SLC30A10: variants seen among roughly 807,000 people sequenced by gnomAD.
The protein encoded by SLC30A10 is calcium/manganese antiporter SLC30A10.
Under a neutral mutation model 21.7 loss-of-function variants are expected in SLC30A10, and 8 were observed. The ratio of observed to expected loss-of-function variants is 0.37; its 90% CI spans 0.22 to 0.67. The LOEUF (loss-of-function observed/expected upper bound fraction) is 0.67. SLC30A10 is among the 30% of genes least tolerant of loss of function. SLC30A10 has a pLI of 0.58. For missense variants in SLC30A10, 521 were observed against 642.5 expected (o/e 0.81, Z 2.04); for synonymous variants, 272 against 279.4 (o/e 0.97, Z 0.26).
chr1:219,912,661 G>C lies in SLC30A10; in HGVS notation c.*2788C>G, dbSNP rs201845320. 5.3e-5 allele frequency among the ~76,000 whole-genome samples: 8 copies of C among 151,914 alleles called. No individual in the cohort carries two copies. Among genetic ancestry groups the C allele is most frequent in the African/African-American group, 1.5e-4 (6 of 41,378 alleles). On this transcript the variant is annotated 3_prime_UTR_variant, in exon 4 of 4. Coordinates refer to ENST00000366926, the MANE Select transcript of SLC30A10 (RefSeq NM_018713.3). ...CATCCTGGCTAACATGGTGAAACCC[G>C]GTCTCTACTAAAAATACAAAAAATT... is the stretch of plus-strand genomic sequence containing the variant.
At chr1:219,951,241 G>A (rs929187319) in intron 1 of SLC30A10, among the ~76,000 whole-genome samples, 13 of 151,450 alleles carry the variant, frequency 8.6e-5, no homozygotes, top group Non-Finnish European at 1.8e-4. Context: ...GATTACAGGT[G>A]TGAGCCACCG....
chr1:219,919,393 A>C, intron 2 of SLC30A10, among the ~76,000 whole-genome samples: 1 of 152,198 alleles, frequency 6.6e-6, no homozygotes, highest in Non-Finnish European at 1.5e-5. Flanking sequence ...GCAAACCAGC[A>C]GCATCAGCAT....
At position 219,928,460 on chromosome 1, in the gene SLC30A10, G is replaced by A; in HGVS notation, c.-20C>T. On this transcript the variant is annotated 5_prime_UTR_variant, in exon 1 of 4. Coordinates refer to ENST00000366926, the MANE Select transcript of SLC30A10 (RefSeq NM_018713.3). This position sits in a 1 kb window ranked among gnomAD's most constrained non-coding sequence, Gnocchi z 6.3. The stretch of plus-strand genomic sequence containing the variant: ...GCCCATCTCGCCACCAGCCCCGGGC[G>A]CCCGGCGCCGCCCAGGGGAGCGCAG... 1 of 1,577,466 alleles carries A rather than the reference G, an allele frequency of 6.3e-7. No individual in the cohort carries two copies. The highest frequency in any genetic ancestry group is 8.6e-7 in the Non-Finnish European group (1 of 1,164,826).
intron 1 of SLC30A10, among the ~76,000 whole-genome samples, chr1:219,937,181 G>T (rs180746164): frequency 6.6e-6 from 1 of 152,274 alleles, no homozygotes; most frequent in East Asian, 1.9e-4. Flanking sequence ...TCTCATCATT[G>T]TATCTTGACA....
chr1:219,919,846 G>A (rs4846607), intron 2 of SLC30A10, among the ~76,000 whole-genome samples: 67,790 of 151,190 alleles, frequency 0.45, 15,322 homozygotes, highest in South Asian at 0.51. Flanking sequence ...TGCTCTAGAA[G>A]AAAGCATATA....
chr1:219,931,130 A>G (rs1230631140), upstream of SLC30A10, among the ~76,000 whole-genome samples: 1 of 152,268 alleles, frequency 6.6e-6, no homozygotes, highest in Non-Finnish European at 1.5e-5. Context: ...AAACTAAAGC[A>G]TTCCTTGCTA....
At position 219,928,413 on chromosome 1, in the gene SLC30A10, G is replaced by A. The variant is rs764934761; in HGVS notation, c.28C>T (p.Arg10Trp). Residue 10 changes from arginine to tryptophan, a missense_variant, in exon 1 of 4, where the codon CGG becomes TGG. Transcript: ENST00000366926. This position sits in a 1 kb window ranked among gnomAD's most constrained non-coding sequence, Gnocchi z 6.3. MGRYSGKTC[R>W]LLFMLVLTVA... ...GTGAGCACCAGCATGAAGAGCAGCCGGCACGTCTTGCCAGAGTAGCGGCCC... is the reference window on the plus strand; with the variant it reads ...GTGAGCACCAGCATGAAGAGCAGCCAGCACGTCTTGCCAGAGTAGCGGCCC... 1.9e-6 allele frequency: 3 copies of A among 1,612,566 alleles called. No homozygotes were observed. Among genetic ancestry groups the A allele is most frequent in the Non-Finnish European group, 1.7e-6 (2 of 1,179,504 alleles).
chr1:219,914,382 G>A lies in SLC30A10; in HGVS notation c.*1067C>T, dbSNP rs1659483568. The A allele has an allele frequency of 6.6e-6, 1 of 152,174 alleles. No individual in the cohort carries two copies. The highest frequency in any genetic ancestry group is 6.5e-5 in the Admixed American group (1 of 15,268). 9.4% of individuals were successfully genotyped at this position (152,174 alleles called of 1,614,324 possible). ...AAAACACATTAAAGGCAGCAATTAA[G>A]CTAATTCTCATTTCTCCCTTGGGCA... On this transcript the variant is annotated 3_prime_UTR_variant, in exon 4 of 4. Coordinates refer to ENST00000366926, the MANE Select transcript of SLC30A10 (RefSeq NM_018713.3).
Position 219,918,279 on chromosome 1 carries a change from T to C in SLC30A10, c.934A>G (p.Lys312Glu). Residue 312 changes from lysine to glutamate, a missense_variant, in exon 3 of 4, where the codon AAA (lysine) becomes GAA (glutamate). Transcript: ENST00000366926. This position sits in a 1 kb window ranked among gnomAD's most constrained non-coding sequence, Gnocchi z 4.4. ...CTCAGCTCTTCCATGTTGACTCCTT[T>C]TGGGACCATCTGTAGCAGAATGGCA... ...TAAILLQMVP[K>E]GVNMEELMSK... 1.2e-6 allele frequency: 2 copies of C among 1,614,130 alleles called. No individual in the cohort carries two copies. The highest frequency in any genetic ancestry group is 2.7e-5 in the African/African-American group (2 of 75,036).
chr1:219,956,332 G>A (rs1031349674), intron 1 of SLC30A10, among the ~76,000 whole-genome samples: 4 of 152,126 alleles, frequency 2.6e-5, no homozygotes, highest in Middle Eastern at 3.2e-3. Context: ...GCTGTACACA[G>A]CCTAAAATTT....
rs562538233 is a variant in SLC30A10 at position 219,914,408 on chromosome 1, T to C, written c.*1041A>G. ...CTAATTCTCATTTCTCCCTTGGGCATCAACTTTTTCATTGAGTTACTAGTT... is the reference window on the plus strand; with the variant it reads ...CTAATTCTCATTTCTCCCTTGGGCACCAACTTTTTCATTGAGTTACTAGTT... On this transcript the variant is annotated 3_prime_UTR_variant, in exon 4 of 4. Transcript: ENST00000366926. 1 of 152,350 alleles carries C rather than the reference T, an allele frequency of 6.6e-6. No homozygotes were observed. Among genetic ancestry groups the C allele is most frequent in the Admixed American group, 6.5e-5 (1 of 15,306 alleles). 9.4% of individuals were successfully genotyped at this position (152,350 alleles called of 1,614,324 possible).
chr1:219,915,395 A>G lies in SLC30A10; in HGVS notation c.*54T>C, dbSNP rs1659508067. The G allele has an allele frequency of 6.4e-7, 1 of 1,564,480 alleles. No homozygotes were observed. The highest frequency in any genetic ancestry group is 1.8e-5 in the Admixed American group (1 of 55,154). On this transcript the variant is annotated 3_prime_UTR_variant, in exon 4 of 4. Transcript: ENST00000366926. ...CCCAGAAAGCTCTTTTTGTGAGCCA[A>G]GCTTGTGGTTCCAAAGTGCCTCGTC... is the stretch of plus-strand genomic sequence containing the variant.
At chr1:219,920,569 T>G (rs1659653730) in intron 2 of SLC30A10, among the ~76,000 whole-genome samples, 1 of 152,208 alleles carries the variant, frequency 6.6e-6, no homozygotes, top group South Asian at 2.1e-4. Context: ...TCTGGTTGAT[T>G]GTCATAACTC....
intron 2 of SLC30A10, among the ~76,000 whole-genome samples, chr1:219,922,750 T>C (rs768862605): frequency 6.6e-6 from 1 of 152,180 alleles, no homozygotes; most frequent in Non-Finnish European, 1.5e-5. Context: ...CAAGAGGTGA[T>C]GATAATGATA....
chr1:219,945,807 GAGA>G (rs1404177459), intron 1 of SLC30A10, among the ~76,000 whole-genome samples: 2 of 152,170 alleles, frequency 1.3e-5, no homozygotes, highest in African/African-American at 4.8e-5. Flanking sequence ...CAAAGACAAA[GAGA>G]AGATCTTTAA....
chr1:219,927,808 G>C lies in SLC30A10; in HGVS notation c.633C>G (p.Asn211Lys), dbSNP rs1179623600. 2 of 1,542,588 alleles carry C rather than the reference G, an allele frequency of 1.3e-6. No individual in the cohort carries two copies. The highest frequency in any genetic ancestry group is 1.2e-5 in the South Asian group (1 of 83,268). ...KREKGATVFANVAGDSFNTQN... is the reference protein window; with the variant it reads ...KREKGATVFAKVAGDSFNTQN... The stretch of plus-strand genomic sequence containing the variant: ...GATGCAACCGAAAGGCACCTGCTAC[G>C]TTTGCGAACACGGTCGCCCCCTTCT... The change falls in exon 1 of 4, where the codon AAC (asparagine) becomes AAG (lysine). Residue 211 changes from asparagine (N) to lysine (K), a missense_variant. By Grantham distance (94) the Asn-to-Lys change is moderately conservative. Transcript: ENST00000366926.
At chr1:219,937,070 A>T (rs1220321682) in intron 1 of SLC30A10, among the ~76,000 whole-genome samples, 3 of 152,168 alleles carry the variant, frequency 2.0e-5, no homozygotes, top group Non-Finnish European at 4.4e-5. Flanking sequence ...ATATTTGTTA[A>T]TGTCATTATG....
chr1:219,928,201 C>T lies in SLC30A10; in HGVS notation c.240G>A (p.Val80=). The T allele has an allele frequency of 6.4e-7, 1 of 1,560,900 alleles. No homozygotes were observed. Among genetic ancestry groups the T allele is most frequent in the Admixed American group, 1.9e-5 (1 of 51,606 alleles). Residue 80 remains valine (V), a synonymous_variant, in exon 1 of 4, where the codon GTG becomes GTA. Transcript: ENST00000366926. This position sits in a 1 kb window ranked among gnomAD's most constrained non-coding sequence, Gnocchi z 6.3. ...ATYGYARAEV[V]GALSNAVFLT... ...GGAAGACCGCGTTGCTCAGCGCGCC[C>T]ACCACCTCGGCGCGGGCGTAGCCGT...
At chr1:219,920,363 C>T (rs1442126337) in intron 2 of SLC30A10, among the ~76,000 whole-genome samples, 3 of 152,096 alleles carry the variant, frequency 2.0e-5, no homozygotes, top group Non-Finnish European at 2.9e-5. Context: ...CAAAATGCTA[C>T]CATAAAAATA....
Sources: gnomAD v4.1 joint callset for allele counts (sites outside exome capture counted in the v4.1 genomes callset) on GRCh38, gnomAD v4.1.1 for gene constraint, Gnocchi (gnomAD v3.1) non-coding constraint, MANE v1.5 for transcripts, NCBI Gene and HGNC (gene_info 2026-07-23, HGNC 2026-07-21) for gene names.